The following ZPBP variants were observed in gnomAD, a reference collection of about 807,000 sequenced individuals.
ZPBP encodes the protein zona pellucida-binding protein 1.
In ZPBP, 26 loss-of-function variants were observed where a neutral mutation model predicts 44.8. That is an observed-to-expected ratio of 0.58 (90% CI 0.43 to 0.81). The LOEUF is 0.81. ZPBP is among the 30% of genes least tolerant of loss of function. The pLI, the probability that ZPBP is intolerant of heterozygous loss-of-function variation, is 0.00. For synonymous variants in ZPBP, 174 were observed against 153.2 expected (o/e 1.14, Z -1.00); for missense variants, 409 against 434.0 (o/e 0.94, Z 0.51).
intron 3 of ZPBP, among the ~76,000 whole-genome samples, chr7:50,066,572 C>T (rs1362774569): frequency 6.6e-6 from 1 of 152,226 alleles, no homozygotes; most frequent in Non-Finnish European, 1.5e-5. Context: ...TTACACTACA[C>T]ATAGGCATGG....
At chr7:49,924,813 G>T (rs540203031) in intron 1 of ZPBP, among the ~76,000 whole-genome samples, 1 of 152,148 alleles carries the variant, frequency 6.6e-6, no homozygotes, top group Non-Finnish European at 1.5e-5. Context: ...AGAAGGTGGT[G>T]GCTGCCCAAG....
intron 6 of ZPBP, among the ~76,000 whole-genome samples, chr7:50,012,560 T>A (rs1332001239): frequency 1.3e-5 from 2 of 151,658 alleles, no homozygotes; most frequent in Admixed American, 1.3e-4. Flanking sequence ...AGATATAAGT[T>A]GTTTTCAACA....
chr7:49,953,062 AT>A (rs1407645534), intron 7 of ZPBP, among the ~76,000 whole-genome samples: 1 of 152,124 alleles, frequency 6.6e-6, no homozygotes, highest in Non-Finnish European at 1.5e-5. Flanking sequence ...GAGCCCTACA[AT>A]TGTGAGCCTA....
At chr7:49,875,393 A>AAAAAAAC (rs1791368537) in intron 2 of ZPBP, among the ~76,000 whole-genome samples, 1 of 150,366 alleles carries the variant, frequency 6.7e-6, no homozygotes, top group African/African-American at 2.4e-5. Context: ...AAAAAAAAAA[A>AAAAAAAC]AAAACAGGAA....
chr7:50,018,585 C>G (rs1011385096), intron 5 of ZPBP, among the ~76,000 whole-genome samples: 1 of 151,922 alleles, frequency 6.6e-6, no homozygotes, highest in Non-Finnish European at 1.5e-5. Context: ...ATCTGAGCAA[C>G]AGATTTGTTT....
Position 50,058,055 on chromosome 7 carries a change from A to C in ZPBP, c.421T>G (p.Phe141Val), listed in dbSNP as rs761975298. 1 of 1,613,510 alleles carries C rather than the reference A, an allele frequency of 6.2e-7. No individual in the cohort carries two copies. Among genetic ancestry groups the C allele is most frequent in the South Asian group, 1.1e-5 (1 of 91,064 alleles). Residue 141 changes from phenylalanine (F) to valine (V), a missense_variant, in exon 4 of 8, where the codon TTC becomes GTC. Physicochemically the swap from Phe to Val is conservative, Grantham distance 50. Transcript: ENST00000046087. ...EESMSGIYTC[F>V]LEYKPTVEEI... ...TCCACAGTAGGTTTATATTCGAGGA[A>C]ACATGTATAAATTCCACTCATACTC...
At chr7:50,061,418 T>C (rs1801229817) in intron 3 of ZPBP, among the ~76,000 whole-genome samples, 1 of 152,160 alleles carries the variant, frequency 6.6e-6, no homozygotes, top group Non-Finnish European at 1.5e-5. Context: ...AACCCCATCA[T>C]GGCCTGGTGT....
intron 2 of ZPBP, among the ~76,000 whole-genome samples, chr7:49,865,401 A>C (rs1790838908): frequency 6.6e-6 from 1 of 152,250 alleles, no homozygotes; most frequent in East Asian, 1.9e-4. Flanking sequence ...GCACTGAATC[A>C]ATTAGCTTTG....
chr7:50,030,122 T>C (rs986523039), intron 5 of ZPBP, among the ~76,000 whole-genome samples: 3 of 152,208 alleles, frequency 2.0e-5, no homozygotes, highest in Non-Finnish European at 4.4e-5. Context: ...CACAAAGTGC[T>C]GAACCTGAAG....
chr7:49,929,809 G>A (rs1384494298), intron 1 of ZPBP, among the ~76,000 whole-genome samples: 5 of 152,182 alleles, frequency 3.3e-5, no homozygotes, highest in Non-Finnish European at 7.3e-5. Context: ...ACATGCAGAG[G>A]AGAATGGGGA....
chr7:50,060,222 C>A (rs1801176984), intron 3 of ZPBP, among the ~76,000 whole-genome samples: 2 of 152,100 alleles, frequency 1.3e-5, no homozygotes, highest in African/African-American at 4.8e-5. Context: ...GGGGACAAGA[C>A]TCCACTGCAT....
In ZPBP at chr7:49,981,680, T is replaced by TA. The variant is rs1562820533; in HGVS notation, c.961+1661dup. Among the ~76,000 whole-genome samples the TA allele has an allele frequency of 1.4e-3, 62 of 43,858 alleles. 11 individuals carry two copies. Among genetic ancestry groups the TA allele is most frequent in the Admixed American group, 9.7e-3 (26 of 2,684 alleles). The allele number at this position is 43,858 out of a possible 152,430, so 28.8% of individuals were successfully genotyped here. A position where few individuals can be genotyped will look rare whatever the true frequency, so the allele number is the denominator to read the frequency against. ...TATAAAATATATATTATATATTATA[T>TA]ATAATAATATATATAATTATATATA... is the stretch of plus-strand genomic sequence containing the variant. On this transcript the variant is annotated intron_variant, in intron 7 of 7. Coordinates refer to ENST00000046087, the MANE Select transcript of ZPBP (RefSeq NM_007009.3).
intron 1 of ZPBP, chr7:49,920,107 G>C (rs1327152540): frequency 6.6e-6 from 1 of 151,858 alleles, no homozygotes; most frequent in Non-Finnish European, 1.5e-5. Flanking sequence ...ATAACCAGGA[G>C]AGAAAATAAA....
intron 5 of ZPBP, among the ~76,000 whole-genome samples, chr7:50,020,066 G>A (rs1477570227): frequency 9.3e-5 from 14 of 150,506 alleles, no homozygotes; most frequent in African/African-American, 3.4e-4. Flanking sequence ...AAAAAAGAAA[G>A]AAAAGAAATA....
chr7:49,912,954 G>A (rs1335370969), intron 1 of ZPBP: 1 of 152,132 alleles, frequency 6.6e-6, no homozygotes, highest in Admixed American at 6.6e-5. Context: ...GAGGAATAAA[G>A]TAGGCTGGAA....
At chr7:49,877,678 T>C (rs1346124379) in intron 2 of ZPBP, among the ~76,000 whole-genome samples, 1 of 149,882 alleles carries the variant, frequency 6.7e-6, no homozygotes, top group Admixed American at 6.7e-5. Flanking sequence ...CCGAGAGTCA[T>C]GAACTGGGTG....
chr7:50,020,053 A>G (rs1799014763), intron 5 of ZPBP, among the ~76,000 whole-genome samples: 1 of 151,838 alleles, frequency 6.6e-6, no homozygotes, highest in South Asian at 2.1e-4. Flanking sequence ...GTCTCAAAAA[A>G]AAAAAAAAGA....
intron 1 of ZPBP, among the ~76,000 whole-genome samples, chr7:49,904,804 C>T (rs182145961): frequency 6.8e-5 from 10 of 147,398 alleles, no homozygotes; most frequent in East Asian, 6.0e-4. Flanking sequence ...GGCGCGATCT[C>T]GGCTCACTGC....
intron 1 of ZPBP, among the ~76,000 whole-genome samples, chr7:49,904,956 G>T (rs910492566): frequency 6.6e-6 from 1 of 151,912 alleles, no homozygotes; most frequent in Non-Finnish European, 1.5e-5. Context: ...GGCTGGTCTT[G>T]AACTCCTGAC....
Sources: gnomAD v4.1 joint callset for allele counts (sites outside exome capture counted in the v4.1 genomes callset) on GRCh38, gnomAD v4.1.1 for gene constraint, MANE v1.5 for transcripts, NCBI Gene and HGNC (gene_info 2026-07-23, HGNC 2026-07-21) for gene names.